The following TMPRSS15 variants were observed in gnomAD, a reference collection of about 807,000 sequenced individuals.
The protein encoded by TMPRSS15 is enteropeptidase.
Under a neutral mutation model 125.3 loss-of-function variants are expected in TMPRSS15, and 128 were observed. The ratio of observed to expected loss-of-function variants is 1.02; its 90% confidence interval spans 0.89 to 1.18. The LOEUF is 1.18. Among genes scored for constraint, TMPRSS15 ranks in the 50% most tolerant of loss-of-function variants. The probability of loss-of-function intolerance (pLI) is 0.00; values close to 1 mark genes in which losing one functional copy is unlikely to be tolerated. For synonymous variants in TMPRSS15, 446 were observed against 423.2 expected (o/e 1.05, Z -0.66); for missense variants, 1,283 against 1,212.7 (o/e 1.06, Z -0.86).
chr21:18,419,888 A>G (rs1337566140), intron 1 of TMPRSS15, among the ~76,000 whole-genome samples: 1 of 152,230 alleles, frequency 6.6e-6, no homozygotes, highest in Non-Finnish European at 1.5e-5. Flanking sequence ...TTTCCCAGAT[A>G]CAATTGTTCT....
chr21:18,465,211 C>T (rs1184395845), intron 1 of TMPRSS15, among the ~76,000 whole-genome samples: 1 of 150,830 alleles, frequency 6.6e-6, no homozygotes, highest in Non-Finnish European at 1.5e-5. Flanking sequence ...AATTCAACAC[C>T]CCTTCATGCA....
intron 1 of TMPRSS15, among the ~76,000 whole-genome samples, chr21:18,476,112 C>T (rs1978875524): frequency 6.6e-6 from 1 of 152,058 alleles, no homozygotes; most frequent in Non-Finnish European, 1.5e-5. Flanking sequence ...GACATTCTAA[C>T]AGCATTAAGA....
At chr21:18,306,987 G>T (rs1264514117) in intron 18 of TMPRSS15, among the ~76,000 whole-genome samples, 3 of 152,148 alleles carry the variant, frequency 2.0e-5, no homozygotes, top group Non-Finnish European at 4.4e-5. Context: ...ATTGCATTTT[G>T]TACCCTATCT....
At chr21:18,413,240 CTCTT>C (rs1361438536) in intron 1 of TMPRSS15, among the ~76,000 whole-genome samples, 4 of 139,196 alleles carry the variant, frequency 2.9e-5, no homozygotes, top group Non-Finnish European at 4.7e-5. Context: ...CCTTTTCTCT[CTCTT>C]TCTTCCTTCC....
intron 1 of TMPRSS15, among the ~76,000 whole-genome samples, chr21:18,401,207 G>T (rs1228963958): frequency 6.6e-6 from 1 of 152,156 alleles, no homozygotes; most frequent in East Asian, 1.9e-4. Context: ...AATACCATTT[G>T]ACCCAGCAAT....
At chr21:18,304,961 G>A (rs1236621411) in intron 18 of TMPRSS15, among the ~76,000 whole-genome samples, 1 of 151,788 alleles carries the variant, frequency 6.6e-6, no homozygotes, top group Non-Finnish European at 1.5e-5. Context: ...AAGTAGGAGC[G>A]ACAGACAAAG....
Position 18,398,201 on chromosome 21 carries a change from T to C in TMPRSS15, c.274A>G (p.Met92Val). Residue 92 changes from methionine to valine, a missense_variant and splice_region_variant, in exon 2 of 25, where the codon ATG (methionine) becomes GTG (valine). Physicochemically the swap from Met to Val is conservative, Grantham distance 21. Transcript: ENST00000284885. ...FKVLAFDLQQ[M>V]IDEIFLSSNL... ...GAAACCAGCTGTCAGTCTCCTACCATTTGCTGAAGGTCAAAAGCAAGAACT... is the reference window on the plus strand; with the variant it reads ...GAAACCAGCTGTCAGTCTCCTACCACTTGCTGAAGGTCAAAAGCAAGAACT... 2 of 1,613,826 alleles carry C rather than the reference T, an allele frequency of 1.2e-6. No homozygotes were observed. The highest frequency in any genetic ancestry group is 1.7e-6 in the Non-Finnish European group (2 of 1,179,754).
intron 18 of TMPRSS15, among the ~76,000 whole-genome samples, chr21:18,300,369 G>C (rs1248501366): frequency 5.2e-5 from 5 of 95,994 alleles, no homozygotes; most frequent in Non-Finnish European, 8.4e-5. Flanking sequence ...TTTTTTTTTT[G>C]GATACTCTGT....
chr21:18,430,254 A>C (rs1044031481), intron 1 of TMPRSS15, among the ~76,000 whole-genome samples: 1 of 152,194 alleles, frequency 6.6e-6, no homozygotes, highest in Non-Finnish European at 1.5e-5. Context: ...TGCTTGAAGA[A>C]GGTTATATAG....
chr21:18,400,268 A>G lies in TMPRSS15; in HGVS notation c.146-1939T>C, dbSNP rs143687678. ...ACTAGGAAAGAGCCAGAATAGTCAA[A>G]GCAATCCTAAGCTAAAAGAACAAAG... On this transcript the variant is annotated intron_variant, in intron 1 of 24. Coordinates refer to ENST00000284885, the MANE Select transcript of TMPRSS15 (RefSeq NM_002772.3). Among the ~76,000 whole-genome samples the G allele has an allele frequency of 1.3e-3, 198 of 152,276 alleles. 2 individuals carry two copies. Among genetic ancestry groups the G allele is most frequent in the African/African-American group, 4.5e-3 (188 of 41,574 alleles).
intron 4 of TMPRSS15, among the ~76,000 whole-genome samples, chr21:18,383,363 A>T (rs2075911314): frequency 6.7e-6 from 1 of 148,734 alleles, no homozygotes; most frequent in African/African-American, 2.5e-5. Context: ...ATCTCCTTGG[A>T]ATGCATAATA....
intron 8 of TMPRSS15, among the ~76,000 whole-genome samples, chr21:18,354,306 C>T (rs1267252189): frequency 6.6e-6 from 1 of 151,776 alleles, no homozygotes; most frequent in African/African-American, 2.4e-5. Flanking sequence ...TTCTTTGGCT[C>T]TTTACGCTTG....
At chr21:18,440,853 A>C (rs898967302) in intron 1 of TMPRSS15, among the ~76,000 whole-genome samples, 12 of 152,240 alleles carry the variant, frequency 7.9e-5, no homozygotes, top group African/African-American at 1.9e-4. Flanking sequence ...TAATATAGTG[A>C]TTGTTAATAA....
chr21:18,294,350 C>G lies in TMPRSS15; in HGVS notation c.2406G>C (p.Leu802=). The change falls in exon 21 of 25, where the codon CTG becomes CTC. Residue 802 remains leucine, a synonymous_variant. Coordinates refer to ENST00000284885, the MANE Select transcript of TMPRSS15 (RefSeq NM_002772.3). ...KEGAWPWVVG[L]YYGGRLLCGA... ...CGCAGAGCAGTCGGCCGCCATAATA[C>G]AGACCCACAACCCAGGGCCAGGCCC... The G allele has an allele frequency of 6.2e-7, 1 of 1,614,258 alleles. No individual in the cohort carries two copies. Among genetic ancestry groups the G allele is most frequent in the Non-Finnish European group, 8.5e-7 (1 of 1,180,058 alleles).
At chr21:18,315,441 A>ATGT (rs60239843) in intron 16 of TMPRSS15, among the ~76,000 whole-genome samples, 185 bp from the exon 17 acceptor site, 2 of 112,746 alleles carry the variant, frequency 1.8e-5, no homozygotes, top group Admixed American at 9.2e-5. Flanking sequence ...ATGTATACAC[A>ATGT]ATAACAAACC....
intron 1 of TMPRSS15, among the ~76,000 whole-genome samples, chr21:18,480,799 A>G (rs1335408604): frequency 1.3e-5 from 2 of 151,896 alleles, no homozygotes; most frequent in Non-Finnish European, 1.5e-5. Flanking sequence ...AAGCAAGTCA[A>G]CAAGATAAAA....
intron 18 of TMPRSS15, among the ~76,000 whole-genome samples, chr21:18,303,461 A>G (rs186711809): frequency 1.3e-5 from 2 of 152,280 alleles, no homozygotes; most frequent in East Asian, 3.9e-4. Flanking sequence ...ATTGTTCTTC[A>G]TCTCATAGAA....
At chr21:18,397,683 A>G (rs902989775) in intron 3 of TMPRSS15, among the ~76,000 whole-genome samples, 196 bp downstream of exon 3, 1 of 152,204 alleles carries the variant, frequency 6.6e-6, no homozygotes, top group Non-Finnish European at 1.5e-5. Flanking sequence ...ACATATTAAC[A>G]TAAGATCAAT....
At chr21:18,360,016 G>A (rs371534030) in intron 7 of TMPRSS15, among the ~76,000 whole-genome samples, 153 bp from the exon 8 acceptor site, 4 of 151,906 alleles carry the variant, frequency 2.6e-5, no homozygotes, top group African/African-American at 4.8e-5. Flanking sequence ...CAGTATTGCC[G>A]GTTATGAACA....
Sources: allele counts gnomAD v4.1 joint callset (sites outside exome capture counted in the v4.1 genomes callset), GRCh38; gene constraint gnomAD v4.1.1; transcripts MANE v1.5; gene names NCBI Gene and HGNC (gene_info 2026-07-23, HGNC 2026-07-21).